Variants in AFG2A observed in about 807,000 individuals in gnomAD.
AFG2A encodes AAA ATPase AFG2A, also known as ATPase family gene 2 protein homolog A.
chr4:123,258,554 G>C, the AFG2A span, among the ~76,000 whole-genome samples: 24 of 152,248 alleles, frequency 1.6e-4, no homozygotes, highest in African/African-American at 5.8e-4. Flanking sequence ...CCCTGCTGTA[G>C]ACACAGCCAT....
At chr4:123,295,638 A>G in the AFG2A span, among the ~76,000 whole-genome samples, 3 of 152,258 alleles carry the variant, frequency 2.0e-5, no homozygotes, top group Non-Finnish European at 2.9e-5. Context: ...CGGGCAGATC[A>G]TTTGAACCCA....
At chr4:123,246,233 T>C in the AFG2A span, among the ~76,000 whole-genome samples, 1 of 152,220 alleles carries the variant, frequency 6.6e-6, no homozygotes, top group Non-Finnish European at 1.5e-5. Flanking sequence ...TTGAAAACAT[T>C]GTGCAGTTAT....
chr4:123,032,175 A>T, the AFG2A span, among the ~76,000 whole-genome samples: 1 of 152,320 alleles, frequency 6.6e-6, no homozygotes, highest in Non-Finnish European at 1.5e-5. Context: ...AGCTTAGTAT[A>T]TCCTTGACTT....
chr4:122,944,578 TG>T, the AFG2A span, among the ~76,000 whole-genome samples: 1 of 152,206 alleles, frequency 6.6e-6, no homozygotes, highest in East Asian at 1.9e-4. Context: ...GCCTTTGGTT[TG>T]AATTTCCTCC....
the AFG2A span, among the ~76,000 whole-genome samples, chr4:123,022,342 A>T: frequency 6.6e-6 from 1 of 152,220 alleles, no homozygotes. Flanking sequence ...AATTTACAAG[A>T]AAACAAACAA....
chr4:123,125,551 A>C, the AFG2A span, among the ~76,000 whole-genome samples: 1 of 152,188 alleles, frequency 6.6e-6, no homozygotes, highest in Non-Finnish European at 1.5e-5. Context: ...GAACTTGTGA[A>C]AGTCACCAGT....
At chr4:123,230,178 A>G in the AFG2A span, among the ~76,000 whole-genome samples, 1 of 151,988 alleles carries the variant, frequency 6.6e-6, no homozygotes, top group Non-Finnish European at 1.5e-5. Flanking sequence ...TTTTCAGGAA[A>G]GATTTCTCCA....
the AFG2A span, among the ~76,000 whole-genome samples, chr4:122,958,713 G>T: frequency 6.6e-6 from 1 of 152,106 alleles, no homozygotes; most frequent in Non-Finnish European, 1.5e-5. Context: ...GTGCTAATGC[G>T]GCTGATCTGG....
the AFG2A span, among the ~76,000 whole-genome samples, chr4:123,030,155 C>T: frequency 2.0e-5 from 3 of 152,176 alleles, no homozygotes; most frequent in South Asian, 6.2e-4. Flanking sequence ...TTCTTGTCTA[C>T]TGGAAATCTA....
the AFG2A span, among the ~76,000 whole-genome samples, chr4:123,089,486 T>G: frequency 2.0e-5 from 3 of 152,238 alleles, no homozygotes; most frequent in Non-Finnish European, 2.9e-5. Context: ...AAATAGGTCT[T>G]GGAGGAAATC....
At chr4:123,318,485 C>G in the AFG2A span, 1 of 152,196 alleles carries the variant, frequency 6.6e-6, no homozygotes, top group African/African-American at 2.4e-5. Context: ...CTATTTGAAG[C>G]TTGTTCCCTT....
the AFG2A span, among the ~76,000 whole-genome samples, chr4:123,116,319 C>A: frequency 6.6e-6 from 1 of 152,136 alleles, no homozygotes; most frequent in African/African-American, 2.4e-5. Flanking sequence ...ATTATTGGAA[C>A]CAGCTTTTAC....
At chr4:123,099,590 A>T in the AFG2A span, among the ~76,000 whole-genome samples, 2 of 151,852 alleles carry the variant, frequency 1.3e-5, no homozygotes, top group Admixed American at 6.6e-5. Flanking sequence ...AAGATACATT[A>T]TAAGTCGTAT....
the AFG2A span, among the ~76,000 whole-genome samples, chr4:123,249,982 T>A: frequency 1.3e-5 from 2 of 152,294 alleles, no homozygotes; most frequent in East Asian, 3.9e-4. Context: ...GATTCATTGA[T>A]ATGTTTTTAT....
the AFG2A span, among the ~76,000 whole-genome samples, chr4:123,183,609 A>G: frequency 2.0e-5 from 3 of 152,320 alleles, no homozygotes; most frequent in East Asian, 5.8e-4. Context: ...TACATGTTGC[A>G]CATAGGCCAA....
the AFG2A span, chr4:123,259,894 A>C: frequency 9.2e-5 from 14 of 152,236 alleles, no homozygotes; most frequent in Non-Finnish European, 8.8e-5. Flanking sequence ...AAAGACTGAT[A>C]TCTGTAAAAT....
the AFG2A span, among the ~76,000 whole-genome samples, chr4:123,065,506 A>T: frequency 6.6e-6 from 1 of 152,136 alleles, no homozygotes; most frequent in Non-Finnish European, 1.5e-5. Context: ...TCTTACAGTA[A>T]TTTTTGCAAG....
At chr4:123,021,204 T>C in the AFG2A span, among the ~76,000 whole-genome samples, 1 of 151,966 alleles carries the variant, frequency 6.6e-6, no homozygotes, top group Non-Finnish European at 1.5e-5. Flanking sequence ...AAGCTAGTTA[T>C]TTAAGCTTTT....
chr4:123,252,530 G>GA, the AFG2A span, among the ~76,000 whole-genome samples: 2 of 152,220 alleles, frequency 1.3e-5, no homozygotes, highest in African/African-American at 4.8e-5. Flanking sequence ...TCCAGATAGA[G>GA]AAAATTTTAA....
Sources: allele counts gnomAD v4.1 joint callset (sites outside exome capture counted in the v4.1 genomes callset), GRCh38; gene constraint gnomAD v4.1.1; transcripts MANE v1.5; gene names NCBI Gene and HGNC (gene_info 2026-07-23, HGNC 2026-07-21).